The following SYCP2 variants were observed in gnomAD, a reference collection of about 807,000 sequenced individuals.
SYCP2 encodes the protein synaptonemal complex lateral element protein.
SYCP2 carries 55 observed loss-of-function variants against 211.3 expected under a neutral mutation model. The ratio of observed to expected loss-of-function variants is 0.26; its 90% confidence interval spans 0.21 to 0.33. SYCP2 has a LOEUF of 0.33. Among genes scored for constraint, SYCP2 ranks in the 10% least tolerant of loss-of-function variants. SYCP2 has a pLI of 1.00. For missense variants in SYCP2, 1,731 were observed against 1,752.0 expected (o/e 0.99, Z 0.21); for synonymous variants, 570 against 555.2 (o/e 1.03, Z -0.37).
At chr20:59,901,604 G>T in intron 16 of SYCP2, 58 bp downstream of exon 16, 1 of 1,078,398 alleles carries the variant, frequency 9.3e-7, no homozygotes, top group Non-Finnish European at 1.3e-6. Flanking sequence ...AACTTATAAC[G>T]CCAAACTGTT....
chr20:59,918,673 T>C (rs1325751011), intron 7 of SYCP2, among the ~76,000 whole-genome samples: 1 of 152,156 alleles, frequency 6.6e-6, no homozygotes, highest in African/African-American at 2.4e-5. Flanking sequence ...TGCACTGATA[T>C]CAGTATTTGG....
intron 35 of SYCP2, among the ~76,000 whole-genome samples, chr20:59,871,539 G>C (rs998309365): frequency 2.0e-5 from 3 of 151,786 alleles, no homozygotes; most frequent in Non-Finnish European, 2.9e-5. Flanking sequence ...TGGTGGGTGG[G>C]GATTACCTAG....
intron 1 of SYCP2, among the ~76,000 whole-genome samples, chr20:59,933,018 C>A (rs2145930642): frequency 6.6e-6 from 1 of 152,096 alleles, no homozygotes; most frequent in Admixed American, 6.5e-5. Context: ...CCAGGGTCAC[C>A]CCCGAACCAA....
At chr20:59,865,683 T>A (rs75543385) in intron 42 of SYCP2, 32 bp from the exon 43 acceptor site, 41,496 of 1,447,930 alleles carry the variant, frequency 0.029, 683 homozygotes, top group Middle Eastern at 0.038. Flanking sequence ...TAACCTTGTA[T>A]TTATCAATAA....
chr20:59,893,280 T>C (rs2059943673), intron 21 of SYCP2, 81 bp from the exon 22 acceptor site: 1 of 982,642 alleles, frequency 1.0e-6, no homozygotes, highest in African/African-American at 1.7e-5. Context: ...TAGAAATCTA[T>C]AAAGGTTCAC....
At chr20:59,877,686 C>A in intron 32 of SYCP2, 131 bp from the exon 33 acceptor site, 1 of 766,882 alleles carries the variant, frequency 1.3e-6, no homozygotes, top group East Asian at 2.7e-5. Context: ...GATTAACATA[C>A]TTTAAATTAA....
chr20:59,868,712 G>A, intron 37 of SYCP2, 123 bp downstream of exon 37: 1 of 1,243,248 alleles, frequency 8.0e-7, no homozygotes. Flanking sequence ...ATTCTACCTA[G>A]TTTATTTTCT....
chr20:59,931,435 G>C (rs1220792640), intron 2 of SYCP2, among the ~76,000 whole-genome samples: 3 of 152,144 alleles, frequency 2.0e-5, no homozygotes, highest in Non-Finnish European at 2.9e-5. Context: ...TTTCTGTTTT[G>C]ATGCAGTGAA....
At position 59,920,444 on chromosome 20, in the gene SYCP2, A is replaced by T; in HGVS notation, c.212T>A (p.Val71Asp). Residue 71 changes from valine (V) to aspartate (D), a missense_variant, in exon 5 of 45, where the codon GTT becomes GAT. By Grantham distance (152) the Val-to-Asp change is radical. Coordinates refer to ENST00000357552, the MANE Select transcript of SYCP2 (RefSeq NM_014258.4). Reference protein sequence around the residue: ...EDIHNVSAILVSVGRCGKNIS... With the variant: ...EDIHNVSAILDSVGRCGKNIS... Reference sequence around the variant, plus strand: ...ATTTTTGCCACATCTTCCAACAGAAACCAAAATGGCTGAAACATTGTGGAT... The same window carrying T: ...ATTTTTGCCACATCTTCCAACAGAATCCAAAATGGCTGAAACATTGTGGAT... The T allele has an allele frequency of 6.2e-7, 1 of 1,608,932 alleles. No individual in the cohort carries two copies. Among genetic ancestry groups the T allele is most frequent in the Non-Finnish European group, 8.5e-7 (1 of 1,176,676 alleles).
intron 10 of SYCP2, among the ~76,000 whole-genome samples, chr20:59,914,521 CATT>C (rs775600185): frequency 2.0e-5 from 3 of 152,038 alleles, no homozygotes; most frequent in East Asian, 1.9e-4. Flanking sequence ...ACTGCCATTT[CATT>C]ATTATTAGAG....
At chr20:59,886,038 C>T in intron 25 of SYCP2, 74 bp from the exon 26 acceptor site, 1 of 1,105,972 alleles carries the variant, frequency 9.0e-7, no homozygotes, top group Non-Finnish European at 1.3e-6. Context: ...TTAAGATAAA[C>T]CATGTTTGTC....
At chr20:59,879,822 A>AATAAATAT (rs1282998120) in intron 31 of SYCP2, among the ~76,000 whole-genome samples, 3 of 51,116 alleles carry the variant, frequency 5.9e-5, no homozygotes, top group African/African-American at 1.6e-4. Flanking sequence ...AATATAAATA[A>AATAAATAT]ATATATATAT....
chr20:59,890,704 A>AT (rs1568937919), intron 24 of SYCP2, among the ~76,000 whole-genome samples: 1 of 151,814 alleles, frequency 6.6e-6, no homozygotes, highest in Non-Finnish European at 1.5e-5. Context: ...CAGGAAGTTG[A>AT]TTTTTTTAAA....
chr20:59,866,370 G>C lies in SYCP2; in HGVS notation c.4243C>G (p.Gln1415Glu), dbSNP rs866269988. 10 of 1,589,908 alleles carry C rather than the reference G, an allele frequency of 6.3e-6. No individual in the cohort carries two copies. The East Asian group carries it at 2.2e-4, about 36-fold the overall frequency. The change falls in exon 41 of 45, where the codon CAA becomes GAA. Residue 1415 changes from glutamine to glutamate, a missense_variant. Physicochemically the swap from Gln to Glu is conservative, Grantham distance 29. This residue lies in a region of SYCP2 where 1,387 missense variants were observed against 1,351.3 expected (regional missense o/e 1.03). Transcript: ENST00000357552. The stretch of plus-strand genomic sequence containing the variant: ...TCCAGCTCCTCTATGATAATGAATT[G>C]GAATTTATCAAGTTTTTTAATCCTA... ...DSRIKKLDKF[Q>E]FIIIEELENF... is the part of the protein sequence containing the mutation.
At chr20:59,890,609 G>GGTAC (rs1568937830) in intron 24 of SYCP2, among the ~76,000 whole-genome samples, 2 of 151,966 alleles carry the variant, frequency 1.3e-5, no homozygotes, top group Non-Finnish European at 2.9e-5. Context: ...TAGGTAGGTA[G>GGTAC]AGACAGTGAT....
chr20:59,929,942 A>G (rs2060704165), intron 2 of SYCP2, among the ~76,000 whole-genome samples: 1 of 152,128 alleles, frequency 6.6e-6, no homozygotes, highest in African/African-American at 2.4e-5. Flanking sequence ...TCTGTTTCCT[A>G]AGGTTCAACA....
chr20:59,886,341 A>G (rs1372976298), intron 25 of SYCP2, among the ~76,000 whole-genome samples: 1 of 152,088 alleles, frequency 6.6e-6, no homozygotes, highest in African/African-American at 2.4e-5. Flanking sequence ...ACTATTTACT[A>G]CAAAAAAACT....
In SYCP2 at chr20:59,895,570, T is replaced by G; in HGVS notation, c.1532A>C (p.Lys511Thr). 6.2e-7 allele frequency: 1 copy of G among 1,613,240 alleles called. No individual in the cohort carries two copies. Among genetic ancestry groups the G allele is most frequent in the Non-Finnish European group, 8.5e-7 (1 of 1,179,504 alleles). ...TSIPPRRRRI[K>T]PPLQMTSSAE... is the part of the protein sequence containing the mutation. ...AGAGCTCGTCATTTGCAGTGGTGGT[T>G]TAATTCTTCTTCTTCGTGGTGGTAT... The change falls in exon 20 of 45, where the codon AAA becomes ACA. Residue 511 changes from lysine (K) to threonine (T), a missense_variant. This residue lies in a region of SYCP2 where 1,387 missense variants were observed against 1,351.3 expected (regional missense o/e 1.03). Coordinates refer to ENST00000357552, the MANE Select transcript of SYCP2 (RefSeq NM_014258.4).
rs190822724 is a variant in SYCP2 at position 59,907,326 on chromosome 20, G to C, written c.1033+38C>G. The C allele has an allele frequency of 1.9e-3, 2,522 of 1,337,688 alleles. 6 individuals carry two copies. The highest frequency in any genetic ancestry group is 3.1e-3 in the Middle Eastern group (16 of 5,092). The allele number at this position is 1,337,688 out of a possible 1,614,324, so 82.9% of individuals were successfully genotyped here. On this transcript the variant is annotated intron_variant, in intron 15 of 44. Coordinates refer to ENST00000357552, the MANE Select transcript of SYCP2 (RefSeq NM_014258.4). ...ATGTAACATTTGTTCCATATGGTAAGAATTAAGAAAATTATTAGAAAAAAA... is the reference window on the plus strand; with the variant it reads ...ATGTAACATTTGTTCCATATGGTAACAATTAAGAAAATTATTAGAAAAAAA...
Sources: allele counts gnomAD v4.1 joint callset (sites outside exome capture counted in the v4.1 genomes callset), GRCh38; gene constraint gnomAD v4.1.1; regional missense constraint gnomAD v4.1.1; transcripts MANE v1.5; gene names NCBI Gene and HGNC (gene_info 2026-07-23, HGNC 2026-07-21).